RPH3AL: variants seen among roughly 807,000 people sequenced by gnomAD.
The protein encoded by RPH3AL is rab effector Noc2.
In RPH3AL, 38 loss-of-function variants were observed where a neutral mutation model predicts 43.1. The observed-to-expected ratio is 0.88, with a 90% confidence interval of 0.68 to 1.15. The LOEUF (loss-of-function observed/expected upper bound fraction) is 1.15. RPH3AL is among the 50% of genes most tolerant of loss of function. RPH3AL has a pLI of 0.00. For missense variants in RPH3AL, 462 were observed against 423.2 expected (o/e 1.09, Z -0.81); for synonymous variants, 189 against 176.3 (o/e 1.07, Z -0.57).
chr17:228,527 A>AGCACAGGCTGGCCCTGGGGT (rs1286799552), intron 7 of RPH3AL, among the ~76,000 whole-genome samples: 5 of 152,172 alleles, frequency 3.3e-5, no homozygotes, highest in African/African-American at 1.2e-4. Flanking sequence ...CACACCATGC[A>AGCACAGGCTGGCCCTGGGGT]GCACAGGCTG....
In RPH3AL at chr17:284,486, G is replaced by T. The variant is rs138300551; in HGVS notation, c.352-2632C>A. Among the ~76,000 whole-genome samples, 9 of 152,242 alleles carry T rather than the reference G, an allele frequency of 5.9e-5. No homozygotes were observed. In the East Asian group the frequency reaches 1.7e-3, roughly 30 times the overall value. On this transcript the variant is annotated intron_variant, in intron 5 of 9. Coordinates refer to ENST00000331302, the MANE Select transcript of RPH3AL (RefSeq NM_006987.4). ...ATGGGCAGAGAAGGTGCCAGGGGCC[G>T]ACCCTGGGACAAAGCTTTGCTGGGG...
At chr17:265,855 G>A (rs2042307413) in intron 6 of RPH3AL, among the ~76,000 whole-genome samples, 1 of 151,600 alleles carries the variant, frequency 6.6e-6, no homozygotes, top group South Asian at 2.1e-4. Context: ...TTCTCTCCTT[G>A]TGAGTGTTCA....
chr17:263,313 C>T (rs1245365040), intron 6 of RPH3AL, among the ~76,000 whole-genome samples: 1 of 152,132 alleles, frequency 6.6e-6, no homozygotes, highest in East Asian at 1.9e-4. Context: ...AATAACACAA[C>T]GATCAACATC....
intron 3 of RPH3AL, chr17:321,693 GACAA>G (rs1458038818): frequency 7.7e-5 from 33 of 428,834 alleles, no homozygotes; most frequent in South Asian, 3.4e-4. Flanking sequence ...GTGTGCCGGG[GACAA>G]GGCACATGGG....
rs2041714482 is a variant in RPH3AL at position 245,024 on chromosome 17, G to A, written c.613+2087C>T. ...TGGATATGAGTGTGTGTATGTGGAT[G>A]TGTGTGTGGATGTGAGCACTATGTG... On this transcript the variant is annotated intron_variant, in intron 7 of 9. Coordinates refer to ENST00000331302, the MANE Select transcript of RPH3AL (RefSeq NM_006987.4). This position sits in a 1 kb window ranked among gnomAD's most constrained non-coding sequence, Gnocchi z 5.9. Among the ~76,000 whole-genome samples, 1 of 150,446 alleles carries A rather than the reference G, an allele frequency of 6.6e-6. No individual in the cohort carries two copies. Among genetic ancestry groups the A allele is most frequent in the African/African-American group, 2.5e-5 (1 of 39,862 alleles).
At position 289,720 on chromosome 17, in the gene RPH3AL, C is replaced by T. The variant is rs1353325083; in HGVS notation, c.352-7866G>A. Among the ~76,000 whole-genome samples, 1 of 152,200 alleles carries T rather than the reference C, an allele frequency of 6.6e-6. No individual in the cohort carries two copies. ...CCCTCTGAGCTCCAGCCGTGTGGGC[C>T]GTTTGTCAGCCCCTGGTCCTTCTGC... On this transcript the variant is annotated intron_variant, in intron 5 of 9. Transcript: ENST00000331302. This position sits in a 1 kb window ranked among gnomAD's most constrained non-coding sequence, Gnocchi z 5.2.
chr17:223,259 C>A (rs1052289686), intron 7 of RPH3AL, among the ~76,000 whole-genome samples: 2 of 152,052 alleles, frequency 1.3e-5, no homozygotes, highest in African/African-American at 4.8e-5. Flanking sequence ...TTTTCTGCCT[C>A]TTTCCATCAA....
At chr17:251,811 C>G (rs1415281688) in intron 6 of RPH3AL, among the ~76,000 whole-genome samples, 1 of 152,234 alleles carries the variant, frequency 6.6e-6, no homozygotes, top group East Asian at 1.9e-4. Flanking sequence ...TCATCCTGCC[C>G]TGAGCACGTC....
intron 6 of RPH3AL, among the ~76,000 whole-genome samples, chr17:253,362 A>G (rs1299237423): frequency 2.0e-5 from 3 of 151,920 alleles, no homozygotes; most frequent in Non-Finnish European, 2.9e-5. Context: ...AGACTAAGAC[A>G]CCCCACAGAG....
chr17:239,109 C>A (rs893709773), intron 7 of RPH3AL, among the ~76,000 whole-genome samples: 5 of 152,220 alleles, frequency 3.3e-5, no homozygotes, highest in African/African-American at 9.6e-5. Context: ...CCTGCTGGGA[C>A]CCACCAAGGG....
intron 5 of RPH3AL, among the ~76,000 whole-genome samples, chr17:284,399 C>T (rs2042856459): frequency 6.6e-6 from 1 of 152,224 alleles, no homozygotes; most frequent in Admixed American, 6.5e-5. Flanking sequence ...GCGCACGGCT[C>T]TCTAGAGAGC....
rs561278780 is a variant in RPH3AL at position 269,040 on chromosome 17, G to A, written c.438+12728C>T. 1.6e-4 allele frequency among the ~76,000 whole-genome samples: 24 copies of A among 152,132 alleles called. No individual in the cohort carries two copies. The South Asian group carries it at 4.2e-3, about 26-fold the overall frequency. On this transcript the variant is annotated intron_variant, in intron 6 of 9. Transcript: ENST00000331302. ...ACTACAGGCGCCCGCCACCACGCCT[G>A]GCTAATTTTTTGTATTTTTAGTAGA...
Position 323,261 on chromosome 17 carries a change from TA to T in RPH3AL, c.78-1847del, listed in dbSNP as rs57447716. Among the ~76,000 whole-genome samples the T allele has an allele frequency of 0.16, 22,188 of 143,034 alleles. 2,495 individuals are homozygous for T. The highest frequency in any genetic ancestry group is 0.33 in the African/African-American group (12,876 of 39,378). The allele number at this position is 143,034 out of a possible 152,430, so 93.8% of individuals were successfully genotyped here. ...TTCTACACTGCCGGTTTTTCCAATT[TA>T]AAAAAAAAAAAACTGCAATGCCCTA... On this transcript the variant is annotated intron_variant, in intron 3 of 9. Transcript: ENST00000331302. This position sits in a 1 kb window ranked among gnomAD's most constrained non-coding sequence, Gnocchi z 4.4.
chr17:297,334 G>A (rs754705197), intron 5 of RPH3AL, among the ~76,000 whole-genome samples: 1 of 152,218 alleles, frequency 6.6e-6, no homozygotes, highest in Non-Finnish European at 1.5e-5. Context: ...CGAGTTCTGT[G>A]AGCCACTCTA....
At chr17:317,931 C>G (rs1447872972) in intron 5 of RPH3AL, among the ~76,000 whole-genome samples, 1 of 144,676 alleles carries the variant, frequency 6.9e-6, no homozygotes, top group East Asian at 2.2e-4. Context: ...ATCCTCCATC[C>G]TCCACCCTCC....
chr17:274,847 T>C lies in RPH3AL; in HGVS notation c.438+6921A>G, dbSNP rs2042615719. Among the ~76,000 whole-genome samples the C allele has an allele frequency of 1.3e-5, 2 of 152,006 alleles. No homozygotes were observed. The highest frequency in any genetic ancestry group is 1.3e-4 in the Admixed American group (2 of 15,258). On this transcript the variant is annotated intron_variant, in intron 6 of 9. Transcript: ENST00000331302. The surrounding 1 kb of genome is among the most constrained non-coding windows in gnomAD (Gnocchi z 4.7). Reference sequence around the variant, plus strand: ...AGGGCTCAGGAACATAATTAGACAATTGTTTGGTGTCTAGGAAACATAAAG... The same window carrying C: ...AGGGCTCAGGAACATAATTAGACAACTGTTTGGTGTCTAGGAAACATAAAG...
At chr17:244,368 G>C (rs1238649080) in intron 7 of RPH3AL, among the ~76,000 whole-genome samples, 1 of 152,078 alleles carries the variant, frequency 6.6e-6, no homozygotes, top group African/African-American at 2.4e-5. Context: ...GAAGTTGGGA[G>C]CTACAGGTGC....
rs2044852881 is a variant in RPH3AL at position 333,350 on chromosome 17, A to G, written c.-37+409T>C. ...AACACCTTAAATTCTCACATCAGCCACCCCCATGGCGACTCTTAACACCTT... is the reference window on the plus strand; with the variant it reads ...AACACCTTAAATTCTCACATCAGCCGCCCCCATGGCGACTCTTAACACCTT... On this transcript the variant is annotated intron_variant, in intron 2 of 9. Coordinates refer to ENST00000331302, the MANE Select transcript of RPH3AL (RefSeq NM_006987.4). The surrounding 1 kb of genome is among the most constrained non-coding windows in gnomAD (Gnocchi z 4.5). The G allele has an allele frequency of 1.6e-6, 2 of 1,235,466 alleles. No homozygotes were observed. Among genetic ancestry groups the G allele is most frequent in the African/African-American group, 1.5e-5 (1 of 64,648 alleles). The allele number at this position is 1,235,466 out of a possible 1,614,324, so 76.5% of individuals were successfully genotyped here.
rs1399166801 is a variant in RPH3AL at position 344,084 on chromosome 17, A to G, written c.-213+8628T>C. On this transcript the variant is annotated intron_variant, in intron 1 of 9. Coordinates refer to ENST00000331302, the MANE Select transcript of RPH3AL (RefSeq NM_006987.4). ...CACTGTCATCATCGTCATCACTATCACCATCATTGTCACCATCATATTCAC... is the reference window on the plus strand; with the variant it reads ...CACTGTCATCATCGTCATCACTATCGCCATCATTGTCACCATCATATTCAC... Among the ~76,000 whole-genome samples, 3 of 106,672 alleles carry G rather than the reference A, an allele frequency of 2.8e-5. 1 individual carries two copies. Among genetic ancestry groups the G allele is most frequent in the African/African-American group, 9.0e-5 (3 of 33,290 alleles). The allele number at this position is 106,672 out of a possible 152,430, so 70.0% of individuals were successfully genotyped here. A position where few individuals can be genotyped will look rare whatever the true frequency, so the allele number is the denominator to read the frequency against.
Sources: gnomAD v4.1 joint callset for allele counts (sites outside exome capture counted in the v4.1 genomes callset) on GRCh38, gnomAD v4.1.1 for gene constraint, Gnocchi (gnomAD v3.1) non-coding constraint, MANE v1.5 for transcripts, NCBI Gene and HGNC (gene_info 2026-07-23, HGNC 2026-07-21) for gene names.